The following CCDC3 variants were observed in gnomAD, a reference collection of about 807,000 sequenced individuals.
The protein encoded by CCDC3 is coiled-coil domain containing 3, also known as coiled-coil domain-containing protein 3.
CCDC3 carries 24 observed loss-of-function variants against 21.4 expected under a neutral mutation model. That is an observed-to-expected ratio of 1.12 (90% CI 0.81 to 1.58). The LOEUF (loss-of-function observed/expected upper bound fraction) is 1.58. Ranked by LOEUF, CCDC3 falls within the 40% of genes most tolerant of loss-of-function variation. The pLI is 0.00. For synonymous variants in CCDC3, 186 were observed against 166.0 expected, an observed-to-expected ratio of 1.12 and a Z score of -0.93; for missense variants, 425 against 360.9, an observed-to-expected ratio of 1.18 and a Z score of -1.44.
chr10:12,986,950 T>C (rs1336792432), intron 2 of CCDC3, among the ~76,000 whole-genome samples: 1 of 148,436 alleles, frequency 6.7e-6, no homozygotes, highest in Non-Finnish European at 1.5e-5. Flanking sequence ...ACACACAGTA[T>C]AGTCACAAAT....
chr10:13,088,783 G>A (rs946953430), intron 3 of CCDC3, among the ~76,000 whole-genome samples: 1 of 152,178 alleles, frequency 6.6e-6, no homozygotes, highest in African/African-American at 2.4e-5. Context: ...AGCACTTCGG[G>A]AGGCCAAGGC....
intron 4 of CCDC3, among the ~76,000 whole-genome samples, chr10:13,070,947 G>T (rs917962456): frequency 6.6e-6 from 1 of 152,144 alleles, no homozygotes; most frequent in African/African-American, 2.4e-5. Context: ...AACCCTGCTT[G>T]TTCCTGTGAA....
chr10:13,012,568 G>A (rs781073865), intron 5 of CCDC3, among the ~76,000 whole-genome samples: 37 of 152,008 alleles, frequency 2.4e-4, no homozygotes, highest in Admixed American at 4.6e-4. Flanking sequence ...AGAGAAAAGA[G>A]AATGAATGCT....
rs538290356 is a variant in CCDC3 at position 13,027,977 on chromosome 10, A to T, written c.-2+21697T>A. On this transcript the variant is annotated intron_variant, in intron 5 of 6. Transcript: ENST00000378839. ...GATTGATGCTCCTCTTAGGTGACAT[A>T]ATTCTGCAGTAGTGTGTTTGCCACA... Among the ~76,000 whole-genome samples the T allele has an allele frequency of 5.9e-4, 90 of 152,314 alleles. 1 individual carries two copies. Among genetic ancestry groups the T allele is most frequent in the African/African-American group, 2.0e-3 (85 of 41,560 alleles).
intron 2 of CCDC3, among the ~76,000 whole-genome samples, chr10:12,928,833 C>T (rs1022023882): frequency 6.6e-6 from 1 of 152,162 alleles, no homozygotes; most frequent in Non-Finnish European, 1.5e-5. Context: ...ACGCTCAGGT[C>T]TCCGTCACAG....
Position 12,990,247 on chromosome 10 carries a change from G to A in CCDC3, c.549+8091C>T, listed in dbSNP as rs551221028. Among the ~76,000 whole-genome samples the A allele has an allele frequency of 2.8e-5, 4 of 144,308 alleles. No individual in the cohort carries two copies. In the South Asian group the frequency reaches 6.5e-4, roughly 23 times the overall value. The allele number at this position is 144,308 out of a possible 152,430, so 94.7% of individuals were successfully genotyped here. A position where few individuals can be genotyped will look rare whatever the true frequency, so the allele number is the denominator to read the frequency against. On this transcript the variant is annotated intron_variant, in intron 2 of 2. Coordinates refer to ENST00000378825, the MANE Select transcript of CCDC3 (RefSeq NM_031455.4). ...TGCACTCTGGCCTGGGCAAAAAAGC[G>A]AGACTCCGTCTCAACCAAAAAAAAA...
Position 12,958,521 on chromosome 10 carries a change from G to A in CCDC3, c.549+39817C>T, listed in dbSNP as rs555250182. Among the ~76,000 whole-genome samples the A allele has an allele frequency of 1.4e-4, 22 of 152,318 alleles. No homozygotes were observed. In the South Asian group the frequency reaches 4.1e-3, roughly 29 times the overall value. On this transcript the variant is annotated intron_variant, in intron 2 of 2. Transcript: ENST00000378825. The stretch of plus-strand genomic sequence containing the variant: ...CATCCTCCCTGATTCACCCCATAGG[G>A]TCAAGAGCAGCCCAGACGATGTGGC...
chr10:12,986,452 T>C (rs1171037484), intron 2 of CCDC3, among the ~76,000 whole-genome samples: 1 of 152,172 alleles, frequency 6.6e-6, no homozygotes, highest in Non-Finnish European at 1.5e-5. Flanking sequence ...TCTAAGATTA[T>C]TCCAAAATAA....
At chr10:13,041,419 G>A (rs183418427) in intron 5 of CCDC3, among the ~76,000 whole-genome samples, 31 of 148,056 alleles carry the variant, frequency 2.1e-4, no homozygotes, top group Admixed American at 1.2e-3. Flanking sequence ...GCTCCACACC[G>A]TGATATCTTG....
At chr10:12,977,288 A>AGAAAGGAAAGGAAAGGG (rs371671812) in intron 2 of CCDC3, among the ~76,000 whole-genome samples, 3,576 of 151,778 alleles carry the variant, frequency 0.024, 111 homozygotes, top group African/African-American at 0.066. Context: ...AAAAAGGAAA[A>AGAAAGGAAAGGAAAGGG]GAAAGGAAAG....
At chr10:12,984,883 T>C (rs1405865747) in intron 2 of CCDC3, among the ~76,000 whole-genome samples, 1 of 152,190 alleles carries the variant, frequency 6.6e-6, no homozygotes, top group African/African-American at 2.4e-5. Context: ...GACTAGCAAT[T>C]GCTGGGGCCT....
chr10:13,095,506 G>T (rs533815115), intron 3 of CCDC3, among the ~76,000 whole-genome samples: 8 of 152,290 alleles, frequency 5.3e-5, no homozygotes, highest in African/African-American at 1.7e-4. Context: ...TAAGAAGCAC[G>T]CAACCTAGAT....
At chr10:13,041,394 T>C (rs1377296333) in intron 5 of CCDC3, among the ~76,000 whole-genome samples, 1 of 152,142 alleles carries the variant, frequency 6.6e-6, no homozygotes, top group Non-Finnish European at 1.5e-5. Context: ...TGAATGTTTA[T>C]TTATACTCGT....
chr10:12,937,365 G>A (rs895748055), intron 2 of CCDC3, among the ~76,000 whole-genome samples: 19 of 152,134 alleles, frequency 1.2e-4, no homozygotes, highest in Non-Finnish European at 7.4e-5. Context: ...TTTAGTATGT[G>A]TGCGGTTATC....
chr10:13,039,124 C>A (rs1836416899), intron 5 of CCDC3, among the ~76,000 whole-genome samples: 1 of 152,180 alleles, frequency 6.6e-6, no homozygotes, highest in African/African-American at 2.4e-5. Context: ...CCTCTTCTAG[C>A]TTTCTTTAGG....
At chr10:12,931,828 T>C (rs1206889173) in intron 2 of CCDC3, among the ~76,000 whole-genome samples, 2 of 152,258 alleles carry the variant, frequency 1.3e-5, no homozygotes, top group African/African-American at 4.8e-5. Flanking sequence ...GTTTCTTCCA[T>C]GCAGGGGCTC....
chr10:13,004,518 C>T (rs1006615758), upstream of CCDC3, among the ~76,000 whole-genome samples: 6 of 151,052 alleles, frequency 4.0e-5, no homozygotes, highest in African/African-American at 7.3e-5. Context: ...AAGGCATATC[C>T]GTGTCCAGAA....
chr10:13,091,176 C>T (rs560996131), intron 3 of CCDC3, among the ~76,000 whole-genome samples: 19 of 152,296 alleles, frequency 1.2e-4, no homozygotes, highest in Non-Finnish European at 2.6e-4. Flanking sequence ...GGGCCTGCCT[C>T]TCCCAGTCCA....
chr10:13,028,329 T>C (rs1488270902), intron 5 of CCDC3, among the ~76,000 whole-genome samples: 8 of 152,104 alleles, frequency 5.3e-5, no homozygotes, highest in Non-Finnish European at 4.4e-5. Flanking sequence ...TCTGACATGA[T>C]TGTGAGGCCT....
Sources: allele counts gnomAD v4.1 joint callset (sites outside exome capture counted in the v4.1 genomes callset), GRCh38; gene constraint gnomAD v4.1.1; transcripts MANE v1.5; gene names NCBI Gene and HGNC (gene_info 2026-07-23, HGNC 2026-07-21).